The following USP9X variants were observed in gnomAD, a reference collection of about 807,000 sequenced individuals.
The protein encoded by USP9X is ubiquitin carboxyl-terminal hydrolase 9X.
In USP9X, 7 loss-of-function variants were observed where a neutral mutation model predicts 190.3. The observed-to-expected ratio is 0.04, with a 90% CI of 0.02 to 0.07. USP9X has a LOEUF of 0.07. Among genes scored for constraint, USP9X ranks in the 10% least tolerant of loss-of-function variants. The pLI is 1.00. For missense variants in USP9X, 1,010 were observed against 1,916.9 expected (o/e 0.53, Z 8.83); for synonymous variants, 645 against 659.5 (o/e 0.98, Z 0.34).
intron 1 of USP9X, among the ~76,000 whole-genome samples, chrX:41,115,226 A>G (rs1160609292): frequency 1.3e-5 from 1 of 78,133 alleles, no homozygotes; most frequent in Non-Finnish European, 2.6e-5. Flanking sequence ...GTCTCCAAAA[A>G]AAAAAAAAAG....
chrX:41,089,774 G>A (rs950322373), intron 1 of USP9X, among the ~76,000 whole-genome samples: 37 of 110,340 alleles, frequency 3.4e-4, no homozygotes, highest in African/African-American at 1.2e-3. Context: ...TTTATGGAAC[G>A]AATGAAATAA....
At chrX:41,117,652 A>G (rs765358112) in intron 1 of USP9X, among the ~76,000 whole-genome samples, 1 of 95,908 alleles carries the variant, frequency 1.0e-5, no homozygotes, top group East Asian at 3.1e-4. Context: ...ACCTCGGCTC[A>G]CTGCAAGCTC....
In USP9X at chrX:41,132,750, A is replaced by AT. The variant is rs113614365; in HGVS notation, c.322+1227dup. Among the ~76,000 whole-genome samples the AT allele has an allele frequency of 4.8e-3, 481 of 100,396 alleles. 1 individual carries two copies. The highest frequency in any genetic ancestry group is 0.01 in the African/African-American group (285 of 27,658). The allele number at this position is 100,396 out of a possible 115,157, so 87.2% of individuals were successfully genotyped here. On this transcript the variant is annotated intron_variant, in intron 4 of 44. Transcript: ENST00000378308. Reference sequence around the variant, plus strand: ...AGGCGTGAGCTACTGTACCCAGCCTATTTTTTTTTTTTTATTAATACACAG... The same window carrying AT: ...AGGCGTGAGCTACTGTACCCAGCCTATTTTTTTTTTTTTTATTAATACACAG...
At chrX:41,104,036 A>G (rs1431271508) in intron 1 of USP9X, among the ~76,000 whole-genome samples, 2 of 111,426 alleles carry the variant, frequency 1.8e-5, no homozygotes, top group Non-Finnish European at 3.8e-5. Context: ...ATATTATGCT[A>G]TGAATTGTCT....
At position 41,189,323 on chromosome X, in the gene USP9X, T is replaced by C. The variant is rs775698622; in HGVS notation, c.3825T>C (p.Asn1275=). 8.3e-7 allele frequency: 1 copy of C among 1,207,833 alleles called. No individual in the cohort carries two copies. The highest frequency in any genetic ancestry group is 3.0e-5 in the East Asian group (1 of 33,792). The part of the protein sequence containing the change: ...TKIYEKTNAG[N]EPDLEDEQVC... ...TAATTTTACAGACCAATGCAGGCAATGAGCCAGACTTGGAAGACGAACAGG... is the reference window on the plus strand; with the variant it reads ...TAATTTTACAGACCAATGCAGGCAACGAGCCAGACTTGGAAGACGAACAGG... The change falls in exon 26 of 45, where the codon AAT becomes AAC. Residue 1275 remains asparagine, a synonymous_variant. Transcript: ENST00000378308.
chrX:41,163,211 A>T lies in USP9X; in HGVS notation c.1985+334A>T, dbSNP rs72624299. ...ATACTGACTTAATGATATCATAGAC[A>T]CTAAGGAAACGGGGGCAAAAGGCTG... On this transcript the variant is annotated intron_variant, in intron 15 of 44. Transcript: ENST00000378308. 3.7e-3 allele frequency among the ~76,000 whole-genome samples: 415 copies of T among 111,453 alleles called. 15 individuals carry two copies. The East Asian group carries it at 0.086, about 23-fold the overall frequency.
chrX:41,122,841 C>A (rs1264210065), intron 1 of USP9X, among the ~76,000 whole-genome samples: 1 of 110,851 alleles, frequency 9.0e-6, no homozygotes, highest in Non-Finnish European at 1.9e-5. Flanking sequence ...GGAAGATGAT[C>A]TTCTCCTGGA....
chrX:41,136,732 T>C, intron 5 of USP9X, 72 bp from the exon 6 acceptor site: 1 of 729,450 alleles, frequency 1.4e-6, no homozygotes, highest in Admixed American at 2.6e-5. Flanking sequence ...ATACGATTAA[T>C]ATTGGAAGAT....
intron 25 of USP9X, among the ~76,000 whole-genome samples, chrX:41,188,678 T>C (rs192882155): frequency 3.9e-4 from 44 of 111,928 alleles, no homozygotes; most frequent in Non-Finnish European, 6.4e-4. Flanking sequence ...GTAGAGCTTC[T>C]TTTACATGGC....
intron 31 of USP9X, 65 bp downstream of exon 31, chrX:41,201,345 T>A: frequency 9.8e-7 from 1 of 1,020,471 alleles, no homozygotes; most frequent in Non-Finnish European, 1.4e-6. Flanking sequence ...CTATTCTCTC[T>A]TAAGAGAGTG....
chrX:41,199,159 G>A (rs1408754550), intron 30 of USP9X, among the ~76,000 whole-genome samples: 4 of 109,929 alleles, frequency 3.6e-5, no homozygotes, highest in Non-Finnish European at 5.7e-5. Context: ...ACTCCATCCT[G>A]GGTGACAGAG....
rs982114348 is a variant in USP9X at position 41,168,319 on chromosome X, G to C, written c.2636+101G>C. The C allele has an allele frequency of 3.0e-5, 22 of 732,435 alleles. No individual in the cohort carries two copies. The African/African-American group carries it at 4.9e-4, about 16-fold the overall frequency. 60.4% of individuals were successfully genotyped at this position (732,435 alleles called of 1,213,427 possible). On this transcript the variant is annotated intron_variant, in intron 18 of 44. Coordinates refer to ENST00000378308, the MANE Select transcript of USP9X (RefSeq NM_001039591.3). ...CAGAAATTTTTCTCGTTTGAAAATT[G>C]TTGTCTTTGCCCATTAAAAACATTT...
chrX:41,138,693 C>T (rs973953910), intron 6 of USP9X, among the ~76,000 whole-genome samples: 1 of 112,133 alleles, frequency 8.9e-6, no homozygotes, highest in Non-Finnish European at 1.9e-5. Context: ...CCATCTTCCC[C>T]CAAGATGTTT....
rs752103693 is a variant in USP9X at position 41,216,306 on chromosome X, C to T, written c.5739C>T (p.Asp1913=). 3.3e-6 allele frequency: 4 copies of T among 1,211,047 alleles called. No individual in the cohort carries two copies. The highest frequency in any genetic ancestry group is 3.0e-5 in the East Asian group (1 of 33,844). Residue 1913 remains aspartate, a synonymous_variant, in exon 35 of 45, where the codon GAC becomes GAT. Transcript: ENST00000378308. ...GDVTECKMDD[D]EEMKNQCFGG... The stretch of plus-strand genomic sequence containing the variant: ...TAACAGAATGTAAAATGGATGATGA[C>T]GAAGAAATGAAAAACCAGTGTTTTG...
At chrX:41,192,109 C>T (rs1229659644) in intron 26 of USP9X, among the ~76,000 whole-genome samples, 2 of 111,771 alleles carry the variant, frequency 1.8e-5, no homozygotes, top group Non-Finnish European at 3.8e-5. Context: ...GTTGACTACA[C>T]GGCAAGCAGA....
At chrX:41,195,046 C>CTTTTTTTTTTTTTT (rs931341447) in intron 26 of USP9X, among the ~76,000 whole-genome samples, 5,540 of 104,081 alleles carry the variant, frequency 0.053, 242 homozygotes, top group African/African-American at 0.073. Context: ...TTTTTTCTTT[C>CTTTTTTTTTTTTTT]TTTTTTTTGG....
chrX:41,177,755 A>G (rs142309179), intron 21 of USP9X, among the ~76,000 whole-genome samples: 1,464 of 111,674 alleles, frequency 0.013, 56 homozygotes, highest in Admixed American at 0.11. Context: ...TTGACATTCT[A>G]TAAGGTAGTG....
At position 41,189,458 on chromosome X, in the gene USP9X, A is replaced by G. The variant is rs368774902; in HGVS notation, c.3960A>G (p.Leu1320=). Residue 1320 remains leucine, a synonymous_variant, in exon 26 of 45, where the codon CTA becomes CTG. Coordinates refer to ENST00000378308, the MANE Select transcript of USP9X (RefSeq NM_001039591.3). ...GGCAGACATTCATCATTGACTTACT[A>G]TTGCACTGTCACAGCAAGTAAGTAT... ...KAWQTFIIDL[L]LHCHSKTVRQ... 168 of 1,202,492 alleles carry G rather than the reference A, an allele frequency of 1.4e-4. No homozygotes were observed. Among genetic ancestry groups the G allele is most frequent in the Non-Finnish European group, 1.6e-4 (144 of 891,391 alleles).
At chrX:41,088,137 T>A (rs1208342414) in intron 1 of USP9X, among the ~76,000 whole-genome samples, 1 of 111,657 alleles carries the variant, frequency 9.0e-6, no homozygotes, top group Non-Finnish European at 1.9e-5. Flanking sequence ...GCGCGTGCCA[T>A]CACGCCCGGC....
Sources: gnomAD v4.1 joint callset for allele counts (sites outside exome capture counted in the v4.1 genomes callset) on GRCh38, gnomAD v4.1.1 for gene constraint, MANE v1.5 for transcripts, NCBI Gene and HGNC (gene_info 2026-07-23, HGNC 2026-07-21) for gene names.